The following ABCA13 variants were observed in gnomAD, a reference collection of about 807,000 sequenced individuals.
ABCA13 encodes ATP-binding cassette sub-family A member 13.
Under a neutral mutation model 478.7 loss-of-function variants are expected in ABCA13, and 476 were observed. The ratio of observed to expected loss-of-function variants is 0.99; its 90% confidence interval spans 0.92 to 1.07. The LOEUF (loss-of-function observed/expected upper bound fraction) is 1.07, where lower values mean the gene tolerates loss of function less well. ABCA13 is among the 50% of genes least tolerant of loss of function. The probability of loss-of-function intolerance (pLI) is 0.00; values close to 1 mark genes in which losing one functional copy is unlikely to be tolerated. For synonymous variants in ABCA13, 2,252 were observed against 2,158.9 expected, an observed-to-expected ratio of 1.04 and a Z score of -1.20; for missense variants, 6,060 against 5,910.6, an observed-to-expected ratio of 1.03 and a Z score of -0.83.
chr7:48,440,067 C>T (rs1263511631), intron 42 of ABCA13, among the ~76,000 whole-genome samples: 2 of 152,086 alleles, frequency 1.3e-5, no homozygotes, highest in Non-Finnish European at 2.9e-5. Context: ...TTTTCCTTAC[C>T]TTTACATATA....
At chr7:48,565,510 A>G (rs1413803253) in intron 55 of ABCA13, among the ~76,000 whole-genome samples, 2 of 152,048 alleles carry the variant, frequency 1.3e-5, no homozygotes, top group African/African-American at 4.8e-5. Flanking sequence ...TTAGAGGGTT[A>G]TATAGGTGTG....
intron 35 of ABCA13, among the ~76,000 whole-genome samples, chr7:48,377,093 A>G (rs1022319310): frequency 2.0e-5 from 3 of 151,812 alleles, no homozygotes; most frequent in African/African-American, 7.3e-5. Flanking sequence ...CAGGGCTTTC[A>G]CTGTTGTCAC....
chr7:48,386,657 G>A (rs965411960), intron 35 of ABCA13, among the ~76,000 whole-genome samples: 2 of 152,148 alleles, frequency 1.3e-5, no homozygotes, highest in African/African-American at 4.8e-5. Flanking sequence ...TTTAATAAAT[G>A]GTATGGGGAT....
intron 60 of ABCA13, among the ~76,000 whole-genome samples, chr7:48,643,945 A>G (rs995388264): frequency 6.6e-6 from 1 of 152,212 alleles, no homozygotes; most frequent in Non-Finnish European, 1.5e-5. Context: ...GGAGATTCCT[A>G]TGAACACTGA....
intron 55 of ABCA13, among the ~76,000 whole-genome samples, chr7:48,561,580 AT>A (rs1563439500): frequency 6.6e-6 from 1 of 152,068 alleles, no homozygotes; most frequent in Non-Finnish European, 1.5e-5. Flanking sequence ...TAATTAGATT[AT>A]TGGTTTTCTT....
chr7:48,196,365 C>T (rs1242963978), intron 2 of ABCA13, among the ~76,000 whole-genome samples: 1 of 152,198 alleles, frequency 6.6e-6, no homozygotes, highest in Non-Finnish European at 1.5e-5. Flanking sequence ...AAGGCTTTGT[C>T]AGAGCCTCAA....
intron 8 of ABCA13, chr7:48,234,368 G>A (rs1584352727): frequency 3.3e-6 from 2 of 606,372 alleles, no homozygotes; most frequent in Non-Finnish European, 5.9e-6. Context: ...ATCCCAGAAT[G>A]GAAAGGCAGC....
chr7:48,467,613 A>G (rs982086089), intron 44 of ABCA13, among the ~76,000 whole-genome samples: 1 of 152,104 alleles, frequency 6.6e-6, no homozygotes, highest in African/African-American at 2.4e-5. Context: ...CTCAATTGTT[A>G]TATATTGAAG....
chr7:48,477,108 G>T lies in ABCA13; in HGVS notation c.12976-3928G>T, dbSNP rs556935359. On this transcript the variant is annotated intron_variant, in intron 45 of 61. Coordinates refer to ENST00000435803, the MANE Select transcript of ABCA13 (RefSeq NM_152701.5). ...GCATTTAAAGAGTCCAGAGATGAGGGCCTGATATTTTGGTGGGGGGGCGGT... is the reference window on the plus strand; with the variant it reads ...GCATTTAAAGAGTCCAGAGATGAGGTCCTGATATTTTGGTGGGGGGGCGGT... 2.6e-5 allele frequency among the ~76,000 whole-genome samples: 4 copies of T among 152,202 alleles called. No individual in the cohort carries two copies. The East Asian group carries it at 7.7e-4, about 29-fold the overall frequency.
intron 1 of ABCA13, among the ~76,000 whole-genome samples, chr7:48,191,915 T>C (rs1011473589): frequency 2.0e-5 from 3 of 152,206 alleles, no homozygotes; most frequent in African/African-American, 7.2e-5. Context: ...TTCAAAGCAT[T>C]ATAACTGGGA....
chr7:48,204,914 G>T (rs1784732127), intron 3 of ABCA13, among the ~76,000 whole-genome samples: 1 of 152,158 alleles, frequency 6.6e-6, no homozygotes, highest in African/African-American at 2.4e-5. Context: ...AACGATCCAA[G>T]CTCCTGAGCC....
chr7:48,175,621 A>G (rs1335540290), intron 1 of ABCA13, among the ~76,000 whole-genome samples: 1 of 152,088 alleles, frequency 6.6e-6, no homozygotes, highest in Non-Finnish European at 1.5e-5. Flanking sequence ...GAGTTTCACC[A>G]TGTTGGCCAG....
At chr7:48,544,538 A>AG (rs113992316) in intron 55 of ABCA13, among the ~76,000 whole-genome samples, 21,205 of 151,506 alleles carry the variant, frequency 0.14, 2,039 homozygotes, top group African/African-American at 0.23. Context: ...AATCCCCCAA[A>AG]ACTGTGTTCA....
chr7:48,533,498 T>C (rs1042642829), intron 55 of ABCA13, among the ~76,000 whole-genome samples: 1 of 152,134 alleles, frequency 6.6e-6, no homozygotes, highest in Non-Finnish European at 1.5e-5. Context: ...TGTAATCATC[T>C]GTTGAGTCCA....
chr7:48,247,043 T>G (rs532142167), intron 13 of ABCA13, among the ~76,000 whole-genome samples: 1 of 151,994 alleles, frequency 6.6e-6, no homozygotes, highest in African/African-American at 2.4e-5. Context: ...AAGACCAACC[T>G]GGGCAACATA....
At chr7:48,595,279 C>G in intron 58 of ABCA13, among the ~76,000 whole-genome samples, 1 of 152,172 alleles carries the variant, frequency 6.6e-6, no homozygotes. Context: ...ATTTCAAAAC[C>G]ATTGGCTTCT....
At chr7:48,599,345 T>G (rs1235290025) in intron 58 of ABCA13, among the ~76,000 whole-genome samples, 1 of 151,988 alleles carries the variant, frequency 6.6e-6, no homozygotes, top group Non-Finnish European at 1.5e-5. Context: ...GTTATGACTT[T>G]TTAATGGCCT....
Position 48,350,814 on chromosome 7 carries a change from T to C in ABCA13, c.10376T>C (p.Leu3459Ser). 1 of 1,613,402 alleles carries C rather than the reference T, an allele frequency of 6.2e-7. No homozygotes were observed. Among genetic ancestry groups the C allele is most frequent in the Non-Finnish European group, 8.5e-7 (1 of 1,179,554 alleles). The change falls in exon 30 of 62, where the codon TTG becomes TCG. Residue 3459 changes from leucine (L) to serine (S), a missense_variant. Leu to Ser is a moderately radical substitution (Grantham distance 145). Coordinates refer to ENST00000435803, the MANE Select transcript of ABCA13 (RefSeq NM_152701.5). Reference sequence around the variant, plus strand: ...GAACTCTTGCAGCAGAACAGCTTCTTGGCCAGTAAGTACTCAATGAAAAAA... The same window carrying C: ...GAACTCTTGCAGCAGAACAGCTTCTCGGCCAGTAAGTACTCAATGAAAAAA... ...AHELLQQNSF[L>S]ASIIFSNSLF...
chr7:48,317,619 C>T (rs1802788282), intron 27 of ABCA13, among the ~76,000 whole-genome samples: 3 of 152,188 alleles, frequency 2.0e-5, no homozygotes, highest in South Asian at 2.1e-4. Context: ...TCCAGGAAAA[C>T]TTCGAGAACA....
Sources: gnomAD v4.1 joint callset for allele counts (sites outside exome capture counted in the v4.1 genomes callset) on GRCh38, gnomAD v4.1.1 for gene constraint, MANE v1.5 for transcripts, NCBI Gene and HGNC (gene_info 2026-07-23, HGNC 2026-07-21) for gene names.